DPF3: variants seen among roughly 807,000 people sequenced by gnomAD.
DPF3 encodes the protein double PHD fingers 3, also known as zinc finger protein DPF3.
Under a neutral mutation model 56.8 loss-of-function variants are expected in DPF3, and 18 were observed. That is an observed-to-expected ratio of 0.32 (90% confidence interval 0.22 to 0.47). DPF3 has a LOEUF of 0.47. Among genes scored for constraint, DPF3 ranks in the 20% least tolerant of loss-of-function variants. The pLI, the probability that DPF3 is intolerant of heterozygous loss-of-function variation, is 1.00. For synonymous variants in DPF3, 188 were observed against 180.2 expected (o/e 1.04, Z -0.35); for missense variants, 403 against 488.8 (o/e 0.82, Z 1.65).
At chr14:72,886,562 A>G (rs1886554975) in intron 1 of DPF3, among the ~76,000 whole-genome samples, 1 of 152,170 alleles carries the variant, frequency 6.6e-6, no homozygotes, top group Non-Finnish European at 1.5e-5. Flanking sequence ...AAAATGGTAC[A>G]CTGTGTGTTA....
chr14:72,804,675 G>C (rs1893019520), intron 1 of DPF3, among the ~76,000 whole-genome samples: 1 of 152,188 alleles, frequency 6.6e-6, no homozygotes, highest in African/African-American at 2.4e-5. Flanking sequence ...GTGAGCACGA[G>C]AAAGTGCCAC....
chr14:72,718,452 T>A (rs937476831), intron 5 of DPF3, among the ~76,000 whole-genome samples: 7 of 152,200 alleles, frequency 4.6e-5, no homozygotes, highest in Non-Finnish European at 1.5e-5. Flanking sequence ...TAAAACGTGA[T>A]CTGCCTTGTT....
At chr14:72,710,318 C>T (rs956569954) in intron 6 of DPF3, among the ~76,000 whole-genome samples, 1 of 152,166 alleles carries the variant, frequency 6.6e-6, no homozygotes, top group Non-Finnish European at 1.5e-5. Context: ...AAAAATCAAG[C>T]GCTGGATAGC....
intron 2 of DPF3, among the ~76,000 whole-genome samples, chr14:72,762,720 C>G (rs530091501): frequency 6.6e-6 from 1 of 151,918 alleles, no homozygotes; most frequent in South Asian, 2.1e-4. Context: ...CCACTTTTAC[C>G]TAATATTATG....
chr14:72,699,599 GT>G (rs1888072286), intron 6 of DPF3, among the ~76,000 whole-genome samples: 1 of 151,968 alleles, frequency 6.6e-6, no homozygotes, highest in South Asian at 2.1e-4. Flanking sequence ...AAGGAACAGG[GT>G]TTCAAGACGA....
At chr14:72,626,424 G>T (rs1884832557) in intron 9 of DPF3, among the ~76,000 whole-genome samples, 1 of 151,982 alleles carries the variant, frequency 6.6e-6, no homozygotes, top group Admixed American at 6.5e-5. Flanking sequence ...TTACAATAAG[G>T]TCAGCATACT....
At chr14:72,692,746 G>A (rs1489288317) in intron 7 of DPF3, among the ~76,000 whole-genome samples, 1 of 152,226 alleles carries the variant, frequency 6.6e-6, no homozygotes, top group Non-Finnish European at 1.5e-5. Flanking sequence ...CTGAGTGGCT[G>A]GCTCTTCAGG....
rs1445421767 is a variant in DPF3, at chr14:72,617,806, A to G, written c.*1491T>C. Among the ~76,000 whole-genome samples, 1 of 152,192 alleles carries G rather than the reference A, an allele frequency of 6.6e-6. No homozygotes were observed. Among genetic ancestry groups the G allele is most frequent in the Non-Finnish European group, 1.5e-5 (1 of 68,032 alleles). ...GAGCGTCCTCAGGAGCTGAAGAACTAAAAATAACCTGGGCCTTTGTTGTGA... is the reference window on the plus strand; with the variant it reads ...GAGCGTCCTCAGGAGCTGAAGAACTGAAAATAACCTGGGCCTTTGTTGTGA... On this transcript the variant is annotated 3_prime_UTR_variant, in exon 11 of 11. Coordinates refer to ENST00000556509, the MANE Select transcript of DPF3 (RefSeq NM_001280542.3).
chr14:72,731,726 G>C, intron 4 of DPF3, 81 bp downstream of exon 4: 1 of 1,575,762 alleles, frequency 6.3e-7, no homozygotes, highest in Non-Finnish European at 8.6e-7. Context: ...GGGAGGATCT[G>C]GAGCCAAGCC....
chr14:72,626,079 C>A (rs1279597165), intron 9 of DPF3, among the ~76,000 whole-genome samples: 2 of 152,154 alleles, frequency 1.3e-5, no homozygotes, highest in Non-Finnish European at 2.9e-5. Context: ...GGTATAGTTA[C>A]ATTATCTATT....
chr14:72,762,871 A>T (rs2139924355), intron 2 of DPF3, among the ~76,000 whole-genome samples: 1 of 152,156 alleles, frequency 6.6e-6, no homozygotes, highest in Middle Eastern at 3.4e-3. Flanking sequence ...AGAAAATGCT[A>T]CAGAATCTAT....
intron 8 of DPF3, among the ~76,000 whole-genome samples, chr14:72,651,580 G>T (rs575493912): frequency 1.3e-5 from 2 of 152,314 alleles, no homozygotes; most frequent in South Asian, 4.1e-4. Flanking sequence ...CACCAAAATG[G>T]CATCTGGGAA....
intron 1 of DPF3, among the ~76,000 whole-genome samples, chr14:72,847,644 TGGGATTACA>T (rs1884812895): frequency 6.6e-6 from 1 of 152,136 alleles, no homozygotes; most frequent in African/African-American, 2.4e-5. Context: ...CCCGAGTAGC[TGGGATTACA>T]GGCACGTACC....
At chr14:72,704,499 T>C (rs557822991) in intron 6 of DPF3, among the ~76,000 whole-genome samples, 2 of 152,228 alleles carry the variant, frequency 1.3e-5, no homozygotes, top group South Asian at 4.1e-4. Flanking sequence ...ATTTGTGAGT[T>C]CCAGGCTATC....
chr14:72,861,024 TATACACACACAC>T (rs1275716936), intron 1 of DPF3, among the ~76,000 whole-genome samples: 3 of 116,142 alleles, frequency 2.6e-5, no homozygotes, highest in South Asian at 3.2e-4. Context: ...CTGTTCTCAC[TATACACACACAC>T]ACACACACAC....
intron 1 of DPF3, among the ~76,000 whole-genome samples, chr14:72,824,225 C>T (rs1328381396): frequency 6.6e-6 from 1 of 152,130 alleles, no homozygotes; most frequent in Admixed American, 6.5e-5. Context: ...GCCCCAGGGT[C>T]AGATGCCGGG....
chr14:72,831,998 G>A lies in DPF3; in HGVS notation c.33-60105C>T, dbSNP rs192188418. ...TTTGGGAAGCCAAGGTGGGAGGATC[G>A]CTTGAGGTCAAGAATTTGAGACCAG... On this transcript the variant is annotated intron_variant, in intron 1 of 10. Transcript: ENST00000556509. Among the ~76,000 whole-genome samples, 515 of 152,178 alleles carry A rather than the reference G, an allele frequency of 3.4e-3. 4 individuals carry two copies. Among genetic ancestry groups the A allele is most frequent in the African/African-American group, 0.012 (484 of 41,536 alleles).
At chr14:72,699,198 G>A (rs1182363840) in intron 6 of DPF3, among the ~76,000 whole-genome samples, 2 of 152,032 alleles carry the variant, frequency 1.3e-5, no homozygotes, top group East Asian at 3.8e-4. Context: ...GAAACTGGTG[G>A]AAAAAGAGAA....
chr14:72,883,887 A>T (rs2078435), intron 1 of DPF3, among the ~76,000 whole-genome samples: 3 of 149,294 alleles, frequency 2.0e-5, no homozygotes, highest in African/African-American at 7.4e-5. Context: ...AGATCACGCC[A>T]CTGCACTCCA....
Sources: allele counts gnomAD v4.1 joint callset (sites outside exome capture counted in the v4.1 genomes callset), GRCh38; gene constraint gnomAD v4.1.1; transcripts MANE v1.5; gene names NCBI Gene and HGNC (gene_info 2026-07-23, HGNC 2026-07-21).